Variants in STAM2 observed in about 807,000 individuals in gnomAD.
STAM2 encodes signal transducing adapter molecule 2.
STAM2 carries 51 observed loss-of-function variants against 65.6 expected under a neutral mutation model. That is an observed-to-expected ratio of 0.78 (90% CI 0.62 to 0.98). STAM2 has a LOEUF of 0.98. Ranked by LOEUF, STAM2 falls within the 50% of genes least tolerant of loss-of-function variation. The pLI is 0.00. For synonymous variants in STAM2, 198 were observed against 208.4 expected (o/e 0.95, Z 0.43); for missense variants, 584 against 617.8 (o/e 0.95, Z 0.58).
intron 1 of STAM2, among the ~76,000 whole-genome samples, chr2:152,161,507 A>AG (rs1560222723): frequency 6.6e-6 from 1 of 151,522 alleles, no homozygotes. Flanking sequence ...AAAAAAAAAA[A>AG]AAAAAAAAAC....
intron 1 of STAM2, among the ~76,000 whole-genome samples, chr2:152,170,430 C>T (rs1037261354): frequency 6.7e-6 from 1 of 150,228 alleles, no homozygotes; most frequent in African/African-American, 2.5e-5. Flanking sequence ...TTGCAGCGAG[C>T]TGAGATCGCG....
intron 7 of STAM2, among the ~76,000 whole-genome samples, chr2:152,139,394 C>A (rs998190194): frequency 6.6e-6 from 1 of 152,108 alleles, no homozygotes; most frequent in Non-Finnish European, 1.5e-5. Flanking sequence ...ATTAAGACAC[C>A]ATTTGTGCCC....
chr2:152,132,533 G>T (rs997581861), intron 10 of STAM2, among the ~76,000 whole-genome samples: 2 of 152,092 alleles, frequency 1.3e-5, no homozygotes, highest in Non-Finnish European at 2.9e-5. Context: ...CAGATATGAA[G>T]ATTTTTCATT....
chr2:152,132,515 T>C lies in STAM2; in HGVS notation c.971-347A>G, dbSNP rs139516586. On this transcript the variant is annotated intron_variant, in intron 10 of 13. Coordinates refer to ENST00000263904, the MANE Select transcript of STAM2 (RefSeq NM_005843.6). ...CCACAGTATATAAACTATGTAACCT[T>C]TGCCCATCAGATATGAAGATTTTTC... Among the ~76,000 whole-genome samples, 449 of 152,284 alleles carry C rather than the reference T, an allele frequency of 2.9e-3. 2 individuals carry two copies. Among genetic ancestry groups the C allele is most frequent in the African/African-American group, 0.01 (431 of 41,576 alleles).
intron 13 of STAM2, among the ~76,000 whole-genome samples, chr2:152,122,253 C>T (rs144671667): frequency 6.6e-6 from 1 of 151,836 alleles, no homozygotes; most frequent in East Asian, 1.9e-4. Context: ...CATGGCAATA[C>T]CCATCTCTAC....
intron 13 of STAM2, among the ~76,000 whole-genome samples, chr2:152,123,286 C>G (rs1052995835): frequency 6.6e-6 from 1 of 151,980 alleles, no homozygotes; most frequent in African/African-American, 2.4e-5. Context: ...GCAGGAGAAT[C>G]GCTTGAACCT....
intron 2 of STAM2, among the ~76,000 whole-genome samples, chr2:152,149,543 G>C (rs890832026): frequency 7.8e-4 from 116 of 149,102 alleles, no homozygotes; most frequent in African/African-American, 2.8e-3. Context: ...TACCGTCCAG[G>C]CTGGAGTGCA....
At chr2:152,137,259 C>T (rs566468915) in intron 7 of STAM2, among the ~76,000 whole-genome samples, 1 of 152,134 alleles carries the variant, frequency 6.6e-6, no homozygotes, top group East Asian at 1.9e-4. Context: ...CTTTCTCCTC[C>T]CCCCGGTTGC....
chr2:152,175,420 C>T (rs1399440703), intron 1 of STAM2, among the ~76,000 whole-genome samples, 183 bp downstream of exon 1: 1 of 152,190 alleles, frequency 6.6e-6, no homozygotes, highest in Non-Finnish European at 1.5e-5. Flanking sequence ...CTCCCCAGAC[C>T]GCTAGCGACG....
chr2:152,163,511 G>A (rs550961325), intron 1 of STAM2, among the ~76,000 whole-genome samples: 2 of 152,198 alleles, frequency 1.3e-5, no homozygotes, highest in East Asian at 3.9e-4. Flanking sequence ...AAACACGTGT[G>A]TTTGAACAAT....
chr2:152,174,783 A>C (rs1689979674), intron 1 of STAM2, among the ~76,000 whole-genome samples: 1 of 152,232 alleles, frequency 6.6e-6, no homozygotes, highest in Admixed American at 6.5e-5. Context: ...TTCTAGTCGC[A>C]CCTGGGCAAC....
intron 1 of STAM2, among the ~76,000 whole-genome samples, chr2:152,160,603 T>TGG (rs1216489935): frequency 7.7e-6 from 1 of 130,464 alleles, no homozygotes; most frequent in African/African-American, 3.0e-5. Context: ...AGGAGGGAGG[T>TGG]GGGGGGTCAG....
Position 152,175,611 on chromosome 2 carries a change from T to C in STAM2, c.32A>G (p.Gln11Arg). 1 of 1,613,978 alleles carries C rather than the reference T, an allele frequency of 6.2e-7. No individual in the cohort carries two copies. The highest frequency in any genetic ancestry group is 8.5e-7 in the Non-Finnish European group (1 of 1,179,952). ...CCGGGCACAGCACTCACCCACGTCT[T>C]GCTCGAAGGGGTTGGCGGTGAACAA... The part of the protein sequence containing the change: MPLFTANPFE[Q>R]DVEKATNEYN... The change falls in exon 1 of 14, where the codon CAA becomes CGA. Residue 11 changes from glutamine (Q) to arginine (R), a missense_variant. By Grantham distance (43) the Gln-to-Arg change is conservative. Coordinates refer to ENST00000263904, the MANE Select transcript of STAM2 (RefSeq NM_005843.6).
intron 1 of STAM2, among the ~76,000 whole-genome samples, chr2:152,158,663 G>GA (rs1332150312): frequency 1.3e-5 from 2 of 152,046 alleles, no homozygotes; most frequent in Non-Finnish European, 2.9e-5. Context: ...CACTGCTATT[G>GA]AACAGAATAC....
chr2:152,133,144 TA>T, intron 10 of STAM2, 28 bp downstream of exon 10: 1 of 1,177,140 alleles, frequency 8.5e-7, no homozygotes, highest in Non-Finnish European at 1.1e-6. Context: ...TAAATAATAT[TA>T]AAATAATATA....
At chr2:152,168,963 T>C (rs1019549964) in intron 1 of STAM2, among the ~76,000 whole-genome samples, 5 of 152,228 alleles carry the variant, frequency 3.3e-5, no homozygotes, top group South Asian at 2.1e-4. Context: ...ATCAAAAGTT[T>C]AGTAAAACTT....
At chr2:152,124,377 G>C (rs1219509345) in intron 12 of STAM2, 1 of 154,438 alleles carries the variant, frequency 6.5e-6, no homozygotes, top group Non-Finnish European at 1.4e-5. Flanking sequence ...AAAGAAACTT[G>C]AGAGAAAAAG....
At chr2:152,140,765 A>T (rs934964911) in intron 7 of STAM2, among the ~76,000 whole-genome samples, 2 of 152,218 alleles carry the variant, frequency 1.3e-5, no homozygotes, top group African/African-American at 4.8e-5. Flanking sequence ...GCAATGCTAC[A>T]GAGGACTAAG....
chr2:152,168,158 G>T (rs1689825382), intron 1 of STAM2, among the ~76,000 whole-genome samples: 1 of 144,894 alleles, frequency 6.9e-6, no homozygotes, highest in Non-Finnish European at 1.5e-5. Flanking sequence ...TTATATACAA[G>T]GCCTATTTTT....
Sources: gnomAD v4.1 joint callset for allele counts (sites outside exome capture counted in the v4.1 genomes callset) on GRCh38, gnomAD v4.1.1 for gene constraint, MANE v1.5 for transcripts, NCBI Gene and HGNC (gene_info 2026-07-23, HGNC 2026-07-21) for gene names.